The following LYPD6B variants were observed in gnomAD, a reference collection of about 807,000 sequenced individuals.
LYPD6B encodes the protein LY6/PLAUR domain containing 6B.
Under a neutral mutation model 22.8 loss-of-function variants are expected in LYPD6B, and 17 were observed. The observed-to-expected ratio is 0.75, with a 90% CI of 0.51 to 1.12. LYPD6B has a LOEUF of 1.12. Ranked by LOEUF, LYPD6B falls within the 50% of genes most tolerant of loss-of-function variation. LYPD6B has a pLI of 0.00. For synonymous variants in LYPD6B, 106 were observed against 91.6 expected, an observed-to-expected ratio of 1.16 and a Z score of -0.90; for missense variants, 221 against 258.3, an observed-to-expected ratio of 0.86 and a Z score of 0.99.
chr2:149,061,743 A>G (rs1389078908), intron 1 of LYPD6B, among the ~76,000 whole-genome samples: 1 of 152,176 alleles, frequency 6.6e-6, no homozygotes, highest in Non-Finnish European at 1.5e-5. Context: ...TTCTTCCCAG[A>G]CAGAAAAGAG....
intron 1 of LYPD6B, among the ~76,000 whole-genome samples, chr2:149,096,498 A>G (rs966360138): frequency 4.6e-5 from 7 of 152,230 alleles, no homozygotes; most frequent in Non-Finnish European, 8.8e-5. Context: ...CACTTAGTCC[A>G]TGTTTTCAGA....
intron 1 of LYPD6B, among the ~76,000 whole-genome samples, chr2:149,126,757 C>G (rs1157404792): frequency 6.6e-6 from 1 of 152,186 alleles, no homozygotes; most frequent in African/African-American, 2.4e-5. Flanking sequence ...ATCACCAGTT[C>G]TAGAGAAACC....
intron 1 of LYPD6B, among the ~76,000 whole-genome samples, chr2:149,040,667 G>T (rs1484853518): frequency 6.6e-6 from 1 of 152,166 alleles, no homozygotes; most frequent in Non-Finnish European, 1.5e-5. Flanking sequence ...AGGCATGTCG[G>T]TAGGGGGCGC....
chr2:149,146,126 C>G (rs1286131757), intron 2 of LYPD6B, among the ~76,000 whole-genome samples: 1 of 152,200 alleles, frequency 6.6e-6, no homozygotes, highest in Non-Finnish European at 1.5e-5. Flanking sequence ...AGAAATGGTC[C>G]TACCCTCGCA....
At chr2:149,193,916 T>A (rs1017928420) in intron 3 of LYPD6B, among the ~76,000 whole-genome samples, 7 of 152,206 alleles carry the variant, frequency 4.6e-5, no homozygotes, top group African/African-American at 1.7e-4. Context: ...GAATATAGTA[T>A]AGCCTCAGTG....
intron 3 of LYPD6B, among the ~76,000 whole-genome samples, chr2:149,174,795 G>A (rs1297273217): frequency 2.0e-5 from 3 of 151,508 alleles, no homozygotes; most frequent in South Asian, 4.2e-4. Flanking sequence ...GGTTGGGGGG[G>A]TGGGAGGAGG....
chr2:149,050,962 C>T (rs1683523874), intron 1 of LYPD6B, among the ~76,000 whole-genome samples: 1 of 151,734 alleles, frequency 6.6e-6, no homozygotes, highest in Non-Finnish European at 1.5e-5. Context: ...ACACCCCAAC[C>T]AGATATTTTC....
intron 1 of LYPD6B, among the ~76,000 whole-genome samples, chr2:149,054,683 T>C (rs1486782420): frequency 1.3e-5 from 2 of 152,112 alleles, no homozygotes; most frequent in Non-Finnish European, 2.9e-5. Context: ...CAAGACCAGC[T>C]TGGGCAATGC....
At chr2:149,195,489 T>C (rs1009676264) in intron 3 of LYPD6B, among the ~76,000 whole-genome samples, 5 of 152,202 alleles carry the variant, frequency 3.3e-5, no homozygotes, top group Non-Finnish European at 7.3e-5. Flanking sequence ...GCAAATCATA[T>C]AGATTTACCA....
rs1242097943 is a variant in LYPD6B at position 149,214,953 on chromosome 2, G to A, written c.*243G>A. The stretch of plus-strand genomic sequence containing the variant: ...CTTCCAGGCTTCCTGGTCAAAGAGA[G>A]CTACGTTTGGGCAGTTCTGCAGAGA... On this transcript the variant is annotated 3_prime_UTR_variant, in exon 7 of 7. Transcript: ENST00000409642. The A allele has an allele frequency of 9.4e-6, 5 of 532,076 alleles. No homozygotes were observed. The highest frequency in any genetic ancestry group is 1.7e-5 in the Non-Finnish European group (5 of 295,452). 33.0% of individuals were successfully genotyped at this position (532,076 alleles called of 1,614,324 possible).
intron 1 of LYPD6B, among the ~76,000 whole-genome samples, chr2:149,113,223 T>G (rs887647742): frequency 6.6e-6 from 1 of 152,228 alleles, no homozygotes; most frequent in Non-Finnish European, 1.5e-5. Flanking sequence ...TTCTATTGTC[T>G]TTGTGTCATT....
chr2:149,185,993 C>T (rs1692071933), intron 3 of LYPD6B, among the ~76,000 whole-genome samples: 1 of 152,220 alleles, frequency 6.6e-6, no homozygotes, highest in Non-Finnish European at 1.5e-5. Flanking sequence ...CTCTCTTCCC[C>T]TCCTTGGGCT....
chr2:149,200,161 G>A (rs957966054), intron 3 of LYPD6B, among the ~76,000 whole-genome samples: 1 of 152,228 alleles, frequency 6.6e-6, no homozygotes, highest in African/African-American at 2.4e-5. Flanking sequence ...GTGCTTGCAG[G>A]AAGGTGTGAA....
chr2:149,193,321 G>A (rs1692611522), intron 3 of LYPD6B, among the ~76,000 whole-genome samples: 1 of 152,068 alleles, frequency 6.6e-6, no homozygotes, highest in Admixed American at 6.6e-5. Context: ...GTACATCCAA[G>A]GTGTGGTTTT....
chr2:149,205,126 C>T, intron 3 of LYPD6B, 127 bp from the exon 4 acceptor site: 1 of 912,422 alleles, frequency 1.1e-6, no homozygotes, highest in Non-Finnish European at 1.6e-6. Context: ...ACTCGCAGGT[C>T]CTGGCCCTAC....
At chr2:149,097,954 GGTAAT>G (rs774366226) in intron 1 of LYPD6B, among the ~76,000 whole-genome samples, 12 of 151,892 alleles carry the variant, frequency 7.9e-5, no homozygotes, top group Non-Finnish European at 1.6e-4. Context: ...GGAAATAGAA[GGTAAT>G]ATAATAGAAA....
intron 3 of LYPD6B, among the ~76,000 whole-genome samples, chr2:149,177,661 A>T (rs905619272): frequency 6.6e-6 from 1 of 152,130 alleles, no homozygotes; most frequent in Non-Finnish European, 1.5e-5. Context: ...GGCAAATCTC[A>T]TGCCTGCCAG....
At chr2:149,201,123 TATA>T (rs1693121669) in intron 3 of LYPD6B, among the ~76,000 whole-genome samples, 1 of 152,222 alleles carries the variant, frequency 6.6e-6, no homozygotes, top group Admixed American at 6.5e-5. Context: ...GCCAAATTAT[TATA>T]GCCATATTCT....
At chr2:149,196,970 G>A (rs576216022) in intron 3 of LYPD6B, among the ~76,000 whole-genome samples, 1 of 152,114 alleles carries the variant, frequency 6.6e-6, no homozygotes, top group Non-Finnish European at 1.5e-5. Flanking sequence ...GTCGAGTAAT[G>A]GACTGTTAGC....
Sources: allele counts gnomAD v4.1 joint callset (sites outside exome capture counted in the v4.1 genomes callset), GRCh38; gene constraint gnomAD v4.1.1; transcripts MANE v1.5; gene names NCBI Gene and HGNC (gene_info 2026-07-23, HGNC 2026-07-21).